The following POFUT3 variants were observed in gnomAD, a reference collection of about 807,000 sequenced individuals.
The protein encoded by POFUT3 is protein O-fucosyltransferase 3, also known as GDP-fucose protein O-fucosyltransferase 3.
the POFUT3 span, among the ~76,000 whole-genome samples, chr8:33,355,178 C>T: frequency 6.6e-6 from 1 of 152,130 alleles, no homozygotes; most frequent in Admixed American, 6.5e-5. Flanking sequence ...GCAGGATTTT[C>T]CAAGTGTTTA....
At chr8:33,430,071 C>T in the POFUT3 span, among the ~76,000 whole-genome samples, 1 of 151,904 alleles carries the variant, frequency 6.6e-6, no homozygotes, top group Non-Finnish European at 1.5e-5. Flanking sequence ...AAACTCACCA[C>T]CCTCTACTCC....
At chr8:33,331,916 A>G in the POFUT3 span, among the ~76,000 whole-genome samples, 1 of 7,830 alleles carries the variant, frequency 1.3e-4, no homozygotes, top group Non-Finnish European at 2.1e-4. Flanking sequence ...TGACCTCGTG[A>G]TCCACCCGCC....
the POFUT3 span, among the ~76,000 whole-genome samples, chr8:33,380,217 A>ATATATATACAC: frequency 1.9e-5 from 1 of 51,560 alleles, no homozygotes; most frequent in African/African-American, 9.4e-5. Flanking sequence ...TATATATACT[A>ATATATATACAC]TATATATATA....
At chr8:33,410,533 T>C in the POFUT3 span, among the ~76,000 whole-genome samples, 1 of 151,764 alleles carries the variant, frequency 6.6e-6, no homozygotes, top group Admixed American at 6.6e-5. Context: ...CATACAGACG[T>C]TTGCACTGAA....
chr8:33,420,913 ATTAT>A, the POFUT3 span, among the ~76,000 whole-genome samples: 6 of 151,952 alleles, frequency 3.9e-5, no homozygotes, highest in African/African-American at 7.2e-5. Flanking sequence ...AATATGTAAA[ATTAT>A]TTGTCAATTT....
chr8:33,459,864 G>A, the POFUT3 span, among the ~76,000 whole-genome samples: 9 of 152,196 alleles, frequency 5.9e-5, no homozygotes, highest in Admixed American at 2.0e-4. Flanking sequence ...TTCAAGACCA[G>A]CCTGGTCAAT....
At chr8:33,461,191 AAGGGAGGGAGGG>A in the POFUT3 span, among the ~76,000 whole-genome samples, 2,370 of 26,212 alleles carry the variant, frequency 0.09, 120 homozygotes, top group African/African-American at 0.2. Context: ...GGAAGGAAGG[AAGGGAGGGAGGG>A]AGGGAGGGAG....
At chr8:33,427,166 G>A in the POFUT3 span, among the ~76,000 whole-genome samples, 1 of 152,142 alleles carries the variant, frequency 6.6e-6, no homozygotes, top group East Asian at 1.9e-4. Context: ...GAAGCAAAGG[G>A]GCTTGGTGAG....
chr8:33,349,432 CCCT>C, the POFUT3 span, among the ~76,000 whole-genome samples: 5 of 152,048 alleles, frequency 3.3e-5, no homozygotes, highest in Admixed American at 2.6e-4. Flanking sequence ...TCCTTCACAC[CCCT>C]CCTACCCTTC....
At chr8:33,387,435 T>C in the POFUT3 span, among the ~76,000 whole-genome samples, 1 of 152,176 alleles carries the variant, frequency 6.6e-6, no homozygotes, top group Non-Finnish European at 1.5e-5. Context: ...CTGTTTAGGT[T>C]TATGTTTGAC....
chr8:33,357,080 T>G, the POFUT3 span, among the ~76,000 whole-genome samples: 2 of 152,242 alleles, frequency 1.3e-5, no homozygotes, highest in African/African-American at 4.8e-5. Flanking sequence ...TGTAGCCTTA[T>G]AGTATAGTTT....
chr8:33,379,980 C>CTA, the POFUT3 span, among the ~76,000 whole-genome samples: 4 of 80,010 alleles, frequency 5.0e-5, no homozygotes, highest in African/African-American at 1.3e-4. Flanking sequence ...TATATACACT[C>CTA]TATATATATA....
At chr8:33,438,939 G>C in the POFUT3 span, among the ~76,000 whole-genome samples, 1 of 127,224 alleles carries the variant, frequency 7.9e-6, no homozygotes, top group East Asian at 2.2e-4. Context: ...CAACACGTGG[G>C]AATTATGGGA....
the POFUT3 span, among the ~76,000 whole-genome samples, chr8:33,424,704 C>T: frequency 1.8e-4 from 28 of 152,252 alleles, no homozygotes; most frequent in South Asian, 1.9e-3. Flanking sequence ...GACATTCCAC[C>T]CTCTCCTCCA....
the POFUT3 span, among the ~76,000 whole-genome samples, chr8:33,438,530 G>A: frequency 6.6e-6 from 1 of 152,216 alleles, no homozygotes; most frequent in Non-Finnish European, 1.5e-5. Flanking sequence ...AAACTGCAGT[G>A]AGCATTGTTT....
the POFUT3 span, among the ~76,000 whole-genome samples, chr8:33,462,613 C>A: frequency 2.0e-5 from 3 of 152,116 alleles, no homozygotes; most frequent in Admixed American, 6.6e-5. Flanking sequence ...AATGAATGAT[C>A]TTTTCAAAAA....
the POFUT3 span, among the ~76,000 whole-genome samples, chr8:33,403,288 G>A: frequency 0.029 from 4,455 of 151,982 alleles, 215 homozygotes; most frequent in African/African-American, 0.1. Flanking sequence ...GTGTGTGTGT[G>A]TATGAGAGAC....
chr8:33,316,623 T>C, the POFUT3 span, among the ~76,000 whole-genome samples: 1 of 151,314 alleles, frequency 6.6e-6, no homozygotes, highest in Non-Finnish European at 1.5e-5. Flanking sequence ...GCACCTGTAA[T>C]CCCAGCTACT....
the POFUT3 span, among the ~76,000 whole-genome samples, chr8:33,361,752 T>A: frequency 6.6e-6 from 1 of 152,194 alleles, no homozygotes; most frequent in Non-Finnish European, 1.5e-5. Context: ...TTCTGAGTAA[T>A]GCAAAATAAT....
Sources: gnomAD v4.1 joint callset for allele counts (sites outside exome capture counted in the v4.1 genomes callset) on GRCh38, gnomAD v4.1.1 for gene constraint, MANE v1.5 for transcripts, NCBI Gene and HGNC (gene_info 2026-07-23, HGNC 2026-07-21) for gene names.